The following CYFIP2 variants were observed in gnomAD, a reference collection of about 807,000 sequenced individuals.
CYFIP2 encodes cytoplasmic FMR1-interacting protein 2.
In CYFIP2, 29 loss-of-function variants were observed where a neutral mutation model predicts 158.7. The ratio of observed to expected loss-of-function variants is 0.18; its 90% CI spans 0.14 to 0.25. CYFIP2 has a LOEUF of 0.25. CYFIP2 is among the 10% of genes least tolerant of loss of function. CYFIP2 has a pLI of 1.00. For missense variants in CYFIP2, 852 were observed against 1,639.5 expected (o/e 0.52, Z 8.29); for synonymous variants, 585 against 617.6 (o/e 0.95, Z 0.78).
At chr5:157,346,116 T>A (rs1023084706) in intron 23 of CYFIP2, among the ~76,000 whole-genome samples, 1 of 152,052 alleles carries the variant, frequency 6.6e-6, no homozygotes, top group East Asian at 1.9e-4. Flanking sequence ...TATATGGTAC[T>A]GGTCAAGACC....
chr5:157,319,957 A>G (rs1004575051), intron 14 of CYFIP2, 29 bp downstream of exon 14: 3 of 1,610,242 alleles, frequency 1.9e-6, no homozygotes, highest in Admixed American at 3.3e-5. Context: ...TCAGGAGCAT[A>G]TCAGACATAA....
At chr5:157,282,786 T>C (rs532630822) in intron 1 of CYFIP2, among the ~76,000 whole-genome samples, 16 of 152,356 alleles carry the variant, frequency 1.1e-4, no homozygotes, top group African/African-American at 3.8e-4. Context: ...CTTTTGGATT[T>C]GAGTCGATCT....
intron 23 of CYFIP2, chr5:157,345,490 T>A (rs1762615491): frequency 1.3e-5 from 2 of 152,574 alleles, no homozygotes; most frequent in African/African-American, 4.8e-5. Flanking sequence ...CCAAGCAGAG[T>A]GTGAAAAGAA....
intron 1 of CYFIP2, among the ~76,000 whole-genome samples, chr5:157,280,060 A>G (rs1012862735): frequency 2.2e-4 from 33 of 152,216 alleles, no homozygotes; most frequent in African/African-American, 7.7e-4. Context: ...GAGAAGAAAG[A>G]TAGCATTAAC....
Position 157,393,879 on chromosome 5 carries a change from C to T in CYFIP2, c.*879C>T, listed in dbSNP as rs1193003823. On this transcript the variant is annotated 3_prime_UTR_variant, in exon 31 of 31. Transcript: ENST00000620254. ...CCAGTGACCAAATTAGGGACAACGT[C>T]TTGGCACAGAATTGCTTATCAAGGA... 1 of 152,174 alleles carries T rather than the reference C, an allele frequency of 6.6e-6. No homozygotes were observed. The highest frequency in any genetic ancestry group is 1.5e-5 in the Non-Finnish European group (1 of 68,044). The allele number at this position is 152,174 out of a possible 1,614,324, so 9.4% of individuals were successfully genotyped here.
intron 26 of CYFIP2, chr5:157,365,499 C>T (rs1369305306): frequency 6.6e-6 from 1 of 152,062 alleles, no homozygotes; most frequent in Non-Finnish European, 1.5e-5. Context: ...ACCCAGGTAC[C>T]TGTGCATCAT....
At chr5:157,326,369 T>C (rs1034179196) in intron 18 of CYFIP2, 102 bp downstream of exon 18, 12 of 976,558 alleles carry the variant, frequency 1.2e-5, no homozygotes, top group Non-Finnish European at 1.6e-5. Flanking sequence ...CAGTGACTTG[T>C]TCTGGAGAGG....
chr5:157,307,752 T>C lies in CYFIP2; in HGVS notation c.796-9T>C. ...TTAGTTTCTATGCTCTGCCCTCTTC[T>C]CATTCTAGGTGATGGGCTTTGGCCT... On this transcript the variant is annotated splice_polypyrimidine_tract_variant and intron_variant, in intron 8 of 30. Coordinates refer to ENST00000620254, the MANE Select transcript of CYFIP2 (RefSeq NM_001037333.3). 2.5e-6 allele frequency: 4 copies of C among 1,578,240 alleles called. No individual in the cohort carries two copies. Among genetic ancestry groups the C allele is most frequent in the Non-Finnish European group, 3.5e-6 (4 of 1,150,692 alleles).
intron 8 of CYFIP2, among the ~76,000 whole-genome samples, chr5:157,307,483 T>C (rs2113911118): frequency 6.6e-6 from 1 of 152,342 alleles, no homozygotes; most frequent in Non-Finnish European, 1.5e-5. Flanking sequence ...ATCATGCTTA[T>C]TAAAGCTCTG....
chr5:157,302,733 C>T lies in CYFIP2; in HGVS notation c.570-61C>T. 4 of 1,381,654 alleles carry T rather than the reference C, an allele frequency of 2.9e-6. No homozygotes were observed. In the South Asian group the frequency reaches 5.4e-5, roughly 19 times the overall value. 85.6% of individuals were successfully genotyped at this position (1,381,654 alleles called of 1,614,324 possible). A position where few individuals can be genotyped will look rare whatever the true frequency, so the allele number is the denominator to read the frequency against. On this transcript the variant is annotated intron_variant, in intron 6 of 30. Coordinates refer to ENST00000620254, the MANE Select transcript of CYFIP2 (RefSeq NM_001037333.3). ...TAGGTGGGCATGCGAGCCCGTGAGG[C>T]ATGGTTTAGGCCGTTGCACTTGGAC...
intron 23 of CYFIP2, among the ~76,000 whole-genome samples, chr5:157,352,697 A>G (rs528201663): frequency 6.6e-6 from 1 of 152,332 alleles, no homozygotes; most frequent in African/African-American, 2.4e-5. Context: ...AAGGCTGAGA[A>G]TGTTTCCCAA....
At chr5:157,356,713 A>G (rs1318629218) in intron 23 of CYFIP2, among the ~76,000 whole-genome samples, 1 of 152,200 alleles carries the variant, frequency 6.6e-6, no homozygotes. Context: ...GCAAAAACTA[A>G]GCTGCACTCG....
chr5:157,274,784 G>T (rs889163191), intron 1 of CYFIP2, among the ~76,000 whole-genome samples: 1 of 152,100 alleles, frequency 6.6e-6, no homozygotes, highest in South Asian at 2.1e-4. Flanking sequence ...AAGTGGTATC[G>T]ATTTGCATTT....
chr5:157,309,086 A>C (rs1759487334), intron 9 of CYFIP2, among the ~76,000 whole-genome samples: 1 of 152,204 alleles, frequency 6.6e-6, no homozygotes, highest in Non-Finnish European at 1.5e-5. Context: ...TTTATGAAAA[A>C]TCACTTAAGC....
intron 1 of CYFIP2, among the ~76,000 whole-genome samples, chr5:157,274,028 G>A (rs1419254111): frequency 6.6e-6 from 1 of 151,768 alleles, no homozygotes; most frequent in Non-Finnish European, 1.5e-5. Flanking sequence ...CCAGCTACTC[G>A]GGAGGCTGAG....
Position 157,325,625 on chromosome 5 carries a change from C to A in CYFIP2, c.1969C>A (p.Pro657Thr). The change falls in exon 17 of 31, where the codon CCT becomes ACT. Residue 657 changes from proline (P) to threonine (T), a missense_variant. Pro to Thr is a conservative substitution (Grantham distance 38). Transcript: ENST00000620254. ...LTDHILETKEPSMMEYVLYPL... is the reference protein window; with the variant it reads ...LTDHILETKETSMMEYVLYPL... ...GGACCATATCCTGGAAACCAAAGAACCTTCCATGATGGAGTAAGAGGCAGG... is the reference window on the plus strand; with the variant it reads ...GGACCATATCCTGGAAACCAAAGAAACTTCCATGATGGAGTAAGAGGCAGG... 1 of 1,609,520 alleles carries A rather than the reference C, an allele frequency of 6.2e-7. No homozygotes were observed. Among genetic ancestry groups the A allele is most frequent in the South Asian group, 1.1e-5 (1 of 90,052 alleles).
chr5:157,341,892 T>C (rs1762291169), intron 23 of CYFIP2: 1 of 152,218 alleles, frequency 6.6e-6, no homozygotes, highest in Non-Finnish European at 1.5e-5. Context: ...TTTTCTCAAA[T>C]CAAGGGAAGC....
In CYFIP2 at chr5:157,341,072, T is replaced by A; in HGVS notation, c.2588T>A (p.Phe863Tyr). Residue 863 changes from phenylalanine to tyrosine, a missense_variant and splice_region_variant, in exon 23 of 31, where the codon TTT becomes TAT. Physicochemically the swap from Phe to Tyr is conservative, Grantham distance 22. Coordinates refer to ENST00000620254, the MANE Select transcript of CYFIP2 (RefSeq NM_001037333.3). ...NYCYNGSTNR[F>Y]VRTAIPFTQE... Reference sequence around the variant, plus strand: ...TCCCATCCCTATGCTTCTACTAGTTTTGTGCGGACTGCCATTCCTTTCACC... The same window carrying A: ...TCCCATCCCTATGCTTCTACTAGTTATGTGCGGACTGCCATTCCTTTCACC... 2 of 1,613,882 alleles carry A rather than the reference T, an allele frequency of 1.2e-6. No homozygotes were observed. The highest frequency in any genetic ancestry group is 8.5e-7 in the Non-Finnish European group (1 of 1,179,774).
At chr5:157,349,171 T>C (rs1762900304) in intron 23 of CYFIP2, among the ~76,000 whole-genome samples, 1 of 152,182 alleles carries the variant, frequency 6.6e-6, no homozygotes. Flanking sequence ...TGGTTTTTGG[T>C]TACGTAGATT....
Sources: allele counts gnomAD v4.1 joint callset (sites outside exome capture counted in the v4.1 genomes callset), GRCh38; gene constraint gnomAD v4.1.1; transcripts MANE v1.5; gene names NCBI Gene and HGNC (gene_info 2026-07-23, HGNC 2026-07-21).